The following IGSF11 variants were observed in gnomAD, a reference collection of about 807,000 sequenced individuals.
The protein encoded by IGSF11 is CXADR like 1.
IGSF11 carries 22 observed loss-of-function variants against 41.0 expected under a neutral mutation model. That is an observed-to-expected ratio of 0.54 (90% CI 0.38 to 0.77). IGSF11 has a LOEUF of 0.77. Ranked by LOEUF, IGSF11 falls within the 30% of genes least tolerant of loss-of-function variation. The pLI is 0.00. For synonymous variants in IGSF11, 219 were observed against 201.3 expected (o/e 1.09, Z -0.74); for missense variants, 444 against 530.8 (o/e 0.84, Z 1.61).
At chr3:118,949,355 G>A (rs1292581444) in intron 1 of IGSF11, 3 of 147,570 alleles carry the variant, frequency 2.0e-5, no homozygotes, top group Admixed American at 2.0e-4. Flanking sequence ...GTTATACTCT[G>A]CCTCAGAGTT....
intron 1 of IGSF11, among the ~76,000 whole-genome samples, chr3:119,072,792 A>G (rs2076421867): frequency 6.6e-6 from 1 of 152,194 alleles, no homozygotes; most frequent in African/African-American, 2.4e-5. Context: ...GCAAAAGAAC[A>G]AAGCTTCCAC....
chr3:119,045,477 A>C (rs1360221068), intron 1 of IGSF11, among the ~76,000 whole-genome samples: 3 of 152,200 alleles, frequency 2.0e-5, no homozygotes, highest in Admixed American at 1.3e-4. Flanking sequence ...TATCCCGCAC[A>C]TGGCTCGGAG....
intron 1 of IGSF11, among the ~76,000 whole-genome samples, chr3:118,980,785 T>C (rs1934635046): frequency 6.6e-6 from 1 of 152,256 alleles, no homozygotes; most frequent in African/African-American, 2.4e-5. Context: ...ATTTCATGTA[T>C]GCTCCATTAA....
At chr3:119,136,594 A>G (rs560591629) in intron 1 of IGSF11, among the ~76,000 whole-genome samples, 1 of 152,336 alleles carries the variant, frequency 6.6e-6, no homozygotes, top group Non-Finnish European at 1.5e-5. Flanking sequence ...TCACTATATA[A>G]AGATAAAGGG....
chr3:119,110,478 G>A (rs1212197635), intron 1 of IGSF11, among the ~76,000 whole-genome samples: 7 of 152,118 alleles, frequency 4.6e-5, no homozygotes, highest in Non-Finnish European at 1.0e-4. Context: ...TTGAGCCTAT[G>A]TGTGTCTCTG....
At chr3:119,069,142 T>C (rs1191416531) in intron 1 of IGSF11, among the ~76,000 whole-genome samples, 2 of 152,022 alleles carry the variant, frequency 1.3e-5, no homozygotes, top group East Asian at 3.9e-4. Context: ...TTAGCCAAGA[T>C]GGTCTCGATC....
chr3:119,045,791 A>G (rs1415008702), intron 1 of IGSF11, among the ~76,000 whole-genome samples: 1 of 151,880 alleles, frequency 6.6e-6, no homozygotes, highest in East Asian at 1.9e-4. Flanking sequence ...ACGCAGCTGG[A>G]GATCTGAGAA....
At chr3:119,144,011 G>T (rs1180748307) in intron 1 of IGSF11, among the ~76,000 whole-genome samples, 1 of 152,086 alleles carries the variant, frequency 6.6e-6, no homozygotes, top group Non-Finnish European at 1.5e-5. Flanking sequence ...GATTTGAAGG[G>T]AAAAAGAAAC....
In IGSF11 at chr3:119,136,207, T is replaced by C. The variant is rs567268603; in HGVS notation, c.-14+9606A>G. Among the ~76,000 whole-genome samples, 4 of 151,440 alleles carry C rather than the reference T, an allele frequency of 2.6e-5. No homozygotes were observed. In the South Asian group the frequency reaches 8.4e-4, roughly 32 times the overall value. On this transcript the variant is annotated intron_variant, in intron 1 of 7. Transcript: ENST00000425327. ...TGCACATGTACCCTAGTACTTAAAG[T>C]ATAATAATTAAAAAGAAAAAAAGAA...
At chr3:118,983,447 G>A (rs922762660) in intron 1 of IGSF11, 1 of 152,162 alleles carries the variant, frequency 6.6e-6, no homozygotes, top group Non-Finnish European at 1.5e-5. Context: ...AATATGTGTA[G>A]AGCTGTCATA....
chr3:119,023,379 A>G lies in IGSF11; in HGVS notation c.52+11152T>C, dbSNP rs552810238. 7.9e-5 allele frequency among the ~76,000 whole-genome samples: 12 copies of G among 152,276 alleles called. No individual in the cohort carries two copies. The East Asian group carries it at 2.1e-3, about 27-fold the overall frequency. On this transcript the variant is annotated intron_variant, in intron 1 of 6. Coordinates refer to ENST00000393775, the MANE Select transcript of IGSF11 (RefSeq NM_001015887.3). ...CAATGCTTTTCAAGATGTTAAAAAA[A>G]ATAACTATTTTTGCCTACAAATGGA...
chr3:119,082,316 T>C lies in IGSF11; in HGVS notation c.49+22828A>G, dbSNP rs2076598442. On this transcript the variant is annotated intron_variant, in intron 1 of 6. Transcript: ENST00000354673. Reference sequence around the variant, plus strand: ...TGCCATAATATCCTCCACACTTAACTACAGATTGGCCAGAAATCTGGCTCT... The same window carrying C: ...TGCCATAATATCCTCCACACTTAACCACAGATTGGCCAGAAATCTGGCTCT... Among the ~76,000 whole-genome samples, 3 of 152,158 alleles carry C rather than the reference T, an allele frequency of 2.0e-5. No individual in the cohort carries two copies. In the South Asian group the frequency reaches 6.2e-4, roughly 32 times the overall value.
intron 1 of IGSF11, among the ~76,000 whole-genome samples, chr3:119,119,711 C>T (rs191288520): frequency 6.6e-6 from 1 of 152,210 alleles, no homozygotes; most frequent in African/African-American, 2.4e-5. Flanking sequence ...TTTCAATTCT[C>T]AGAGTACGGT....
In IGSF11 at chr3:119,086,179, C is replaced by T. The variant is rs549329563; in HGVS notation, c.49+18965G>A. Among the ~76,000 whole-genome samples the T allele has an allele frequency of 1.1e-4, 16 of 152,132 alleles. No homozygotes were observed. The South Asian group carries it at 2.7e-3, about 26-fold the overall frequency. On this transcript the variant is annotated intron_variant, in intron 1 of 6. Coordinates refer to the IGSF11 transcript ENST00000354673. ...CCTCAGTTCTTCAAATCAACTCAGT[C>T]GGACAAAAATAAAGAACTTTAAAAA...
chr3:119,037,003 T>C (rs1338691636), upstream of IGSF11, among the ~76,000 whole-genome samples: 1 of 152,110 alleles, frequency 6.6e-6, no homozygotes, highest in East Asian at 1.9e-4. Context: ...AGAAAGCAGA[T>C]CAGGAGTACT....
intron 4 of IGSF11, among the ~76,000 whole-genome samples, chr3:118,922,934 G>A (rs1203917497): frequency 6.6e-6 from 1 of 152,090 alleles, no homozygotes; most frequent in Non-Finnish European, 1.5e-5. Context: ...TGCTGGGAAT[G>A]CAACATCCTG....
At chr3:118,906,400 G>GTC (rs1159820643) in intron 4 of IGSF11, among the ~76,000 whole-genome samples, 2 of 152,182 alleles carry the variant, frequency 1.3e-5, no homozygotes, top group Non-Finnish European at 2.9e-5. Context: ...CAGTTTTATG[G>GTC]AAGTGTCCAC....
intron 1 of IGSF11, among the ~76,000 whole-genome samples, chr3:118,972,145 T>C (rs1160487300): frequency 1.3e-5 from 2 of 152,220 alleles, no homozygotes; most frequent in Non-Finnish European, 2.9e-5. Flanking sequence ...CACTACATCT[T>C]GACCTGAACT....
At chr3:119,064,511 C>CTTTTTTTT (rs779910295) in intron 1 of IGSF11, among the ~76,000 whole-genome samples, 1 of 101,396 alleles carries the variant, frequency 9.9e-6, no homozygotes, top group African/African-American at 3.7e-5. Flanking sequence ...CTTGGCTGCT[C>CTTTTTTTT]TTTTTTTTTT....
Sources: gnomAD v4.1 joint callset for allele counts (sites outside exome capture counted in the v4.1 genomes callset) on GRCh38, gnomAD v4.1.1 for gene constraint, MANE v1.5 for transcripts, NCBI Gene and HGNC (gene_info 2026-07-23, HGNC 2026-07-21) for gene names.